The following PPARGC1B variants were observed in gnomAD, a reference collection of about 807,000 sequenced individuals.
PPARGC1B encodes peroxisome proliferator-activated receptor gamma coactivator 1-beta.
Under a neutral mutation model 101.6 loss-of-function variants are expected in PPARGC1B, and 34 were observed. That is an observed-to-expected ratio of 0.33 (90% CI 0.25 to 0.45). The LOEUF is 0.45. PPARGC1B is among the 20% of genes least tolerant of loss of function. PPARGC1B has a pLI of 1.00. For missense variants in PPARGC1B, 1,234 were observed against 1,317.6 expected (o/e 0.94, Z 0.98); for synonymous variants, 548 against 539.3 (o/e 1.02, Z -0.22).
intron 1 of PPARGC1B, among the ~76,000 whole-genome samples, chr5:149,748,475 G>A (rs1755168905): frequency 6.6e-6 from 1 of 152,148 alleles, no homozygotes; most frequent in South Asian, 2.1e-4. Context: ...AGTGGAGGAA[G>A]CCGTGCAGCA....
At chr5:149,828,952 G>A (rs1758636183) in intron 3 of PPARGC1B, among the ~76,000 whole-genome samples, 1 of 151,986 alleles carries the variant, frequency 6.6e-6, no homozygotes, top group African/African-American at 2.4e-5. Flanking sequence ...TCTGGAGGCT[G>A]GGGTAGGAGG....
At position 149,847,662 on chromosome 5, in the gene PPARGC1B, G is replaced by A. The variant is rs555867703; in HGVS notation, c.*104G>A. 5.8e-5 allele frequency: 47 copies of A among 815,216 alleles called. 1 individual carries two copies. The East Asian group carries it at 5.9e-4, about 10-fold the overall frequency. 50.5% of individuals were successfully genotyped at this position (815,216 alleles called of 1,614,324 possible). On this transcript the variant is annotated 3_prime_UTR_variant, in exon 12 of 12. Coordinates refer to ENST00000309241, the MANE Select transcript of PPARGC1B (RefSeq NM_133263.4). The stretch of plus-strand genomic sequence containing the variant: ...AAGTATATGAGGAGAGCGAGCGAGC[G>A]TGAGAGAACACCCGTGAGAGAGACT...
At chr5:149,784,809 C>T (rs552960396) in intron 1 of PPARGC1B, among the ~76,000 whole-genome samples, 17 of 152,114 alleles carry the variant, frequency 1.1e-4, no homozygotes, top group African/African-American at 2.6e-4. Context: ...CCTTGTCATC[C>T]GCCTGCCTTG....
chr5:149,765,661 A>G (rs944275802), intron 1 of PPARGC1B, among the ~76,000 whole-genome samples: 2 of 152,110 alleles, frequency 1.3e-5, no homozygotes, highest in Non-Finnish European at 2.9e-5. Flanking sequence ...GATCAAGACC[A>G]TCCTGGCCAA....
chr5:149,748,573 A>T (rs999679528), intron 1 of PPARGC1B, among the ~76,000 whole-genome samples: 4 of 152,154 alleles, frequency 2.6e-5, no homozygotes, highest in African/African-American at 9.7e-5. Context: ...ATGGCCATGG[A>T]AGGTGCCCAG....
intron 1 of PPARGC1B, among the ~76,000 whole-genome samples, chr5:149,753,705 T>A (rs2113128327): frequency 6.6e-6 from 1 of 152,034 alleles, no homozygotes; most frequent in East Asian, 1.9e-4. Flanking sequence ...TTAGTTAGAT[T>A]TTTTCTGAGA....
intron 1 of PPARGC1B, among the ~76,000 whole-genome samples, chr5:149,814,927 C>T (rs768224794): frequency 2.0e-5 from 3 of 152,224 alleles, no homozygotes; most frequent in Non-Finnish European, 4.4e-5. Context: ...ACACACGGGC[C>T]GTACAAACAG....
intron 1 of PPARGC1B, chr5:149,772,098 G>A: frequency 6.3e-7 from 1 of 1,584,510 alleles, no homozygotes; most frequent in South Asian, 1.2e-5. Context: ...TCTGGGTTGG[G>A]GCTGCCCCAG....
chr5:149,774,326 C>T (rs1756267764), intron 1 of PPARGC1B, among the ~76,000 whole-genome samples: 1 of 152,154 alleles, frequency 6.6e-6, no homozygotes. Flanking sequence ...GTGCACTGGG[C>T]TCCGGTTTCC....
At chr5:149,787,542 A>C (rs965556522) in intron 1 of PPARGC1B, among the ~76,000 whole-genome samples, 1 of 152,250 alleles carries the variant, frequency 6.6e-6, no homozygotes. Flanking sequence ...TGACCTGCTG[A>C]TGTAAAATTA....
At chr5:149,755,109 A>G (rs1755469487) in intron 1 of PPARGC1B, among the ~76,000 whole-genome samples, 1 of 145,340 alleles carries the variant, frequency 6.9e-6, no homozygotes, top group Middle Eastern at 3.6e-3. Context: ...GGGTTTCATT[A>G]TGTTGGGCAG....
At chr5:149,816,660 T>G (rs73796277) in intron 1 of PPARGC1B, among the ~76,000 whole-genome samples, 184 of 152,332 alleles carry the variant, frequency 1.2e-3, no homozygotes, top group African/African-American at 4.1e-3. Flanking sequence ...AAGCTGTTTC[T>G]AAGAAGCAAG....
intron 10 of PPARGC1B, 165 bp from the exon 11 acceptor site, chr5:149,845,595 A>C: frequency 1.5e-6 from 1 of 666,188 alleles, no homozygotes; most frequent in East Asian, 2.7e-5. Flanking sequence ...CATTATTACC[A>C]CATTGCAGAA....
intron 1 of PPARGC1B, among the ~76,000 whole-genome samples, chr5:149,758,675 A>G (rs1455656755): frequency 1.3e-5 from 2 of 152,210 alleles, no homozygotes; most frequent in Non-Finnish European, 2.9e-5. Flanking sequence ...GGGGATTCCA[A>G]GAGGGCTGAG....
chr5:149,806,127 T>C (rs1031326397), intron 1 of PPARGC1B, among the ~76,000 whole-genome samples: 1 of 152,238 alleles, frequency 6.6e-6, no homozygotes, highest in African/African-American at 2.4e-5. Flanking sequence ...CCCAGCCTAC[T>C]GGGAAGGGGG....
At position 149,849,938 on chromosome 5, in the gene PPARGC1B, T is replaced by C. The variant is rs927695920; in HGVS notation, c.*2380T>C. 2 of 152,184 alleles carry C rather than the reference T, an allele frequency of 1.3e-5. No individual in the cohort carries two copies. Among genetic ancestry groups the C allele is most frequent in the African/African-American group, 4.8e-5 (2 of 41,450 alleles). 9.4% of individuals were successfully genotyped at this position (152,184 alleles called of 1,614,324 possible). On this transcript the variant is annotated 3_prime_UTR_variant, in exon 12 of 12. Coordinates refer to ENST00000309241, the MANE Select transcript of PPARGC1B (RefSeq NM_133263.4). ...CTTTAGCTATTCACTGCCTAGCACA[T>C]AGTAGGCACACAATAAATGATTATG...
In PPARGC1B at chr5:149,836,700, C is replaced by T. The variant is rs201496880; in HGVS notation, c.2245C>T (p.Pro749Ser). ...EDRSCDAGAP[P>S]KDSTLLRDHE... ...CAGAAGCTGTGATGCTGGCGCCCCA[C>T]CCAAGGACAGCACGCTGCTGAGAGA... The change falls in exon 8 of 12, where the codon CCC (proline) becomes TCC (serine). Residue 749 changes from proline (P) to serine (S), a missense_variant. Around this residue, in one of 3 missense-constraint regions of PPARGC1B, gnomAD observed 497 missense variants for 529.5 expected, o/e 0.94. Coordinates refer to ENST00000309241, the MANE Select transcript of PPARGC1B (RefSeq NM_133263.4). 16 of 1,613,648 alleles carry T rather than the reference C, an allele frequency of 9.9e-6. No individual in the cohort carries two copies. The African/African-American group carries it at 1.5e-4, about 15-fold the overall frequency.
intron 1 of PPARGC1B, among the ~76,000 whole-genome samples, chr5:149,732,077 TGC>T (rs1011755611): frequency 7.4e-6 from 1 of 134,288 alleles, no homozygotes; most frequent in Non-Finnish European, 1.6e-5. Context: ...TGTGTGTGTG[TGC>T]ACACGCCGCG....
chr5:149,749,600 A>G (rs1755213681), intron 1 of PPARGC1B, among the ~76,000 whole-genome samples: 2 of 152,220 alleles, frequency 1.3e-5, no homozygotes, highest in Non-Finnish European at 2.9e-5. Flanking sequence ...AGAAAACTGT[A>G]ATCTCCATTG....
Sources: allele counts gnomAD v4.1 joint callset (sites outside exome capture counted in the v4.1 genomes callset), GRCh38; gene constraint gnomAD v4.1.1; regional missense constraint gnomAD v4.1.1; transcripts MANE v1.5; gene names NCBI Gene and HGNC (gene_info 2026-07-23, HGNC 2026-07-21).